TANC1: variants seen among roughly 807,000 people sequenced by gnomAD.
TANC1 encodes the protein tetratricopeptide repeat, ankyrin repeat and coiled-coil containing 1.
A neutral mutation model predicts 149.7 loss-of-function variants in TANC1; 77 were observed. The ratio of observed to expected loss-of-function variants is 0.51; its 90% CI spans 0.43 to 0.62. The LOEUF is 0.62. TANC1 is among the 20% of genes least tolerant of loss of function. The pLI, the probability that TANC1 is intolerant of heterozygous loss-of-function variation, is 0.00. For synonymous variants in TANC1, 854 were observed against 925.0 expected (o/e 0.92, Z 1.39); for missense variants, 1,985 against 2,321.8 (o/e 0.85, Z 2.98).
intron 4 of TANC1, among the ~76,000 whole-genome samples, chr2:159,119,567 T>A (rs967575995): frequency 2.0e-5 from 3 of 152,216 alleles, no homozygotes; most frequent in African/African-American, 7.2e-5. Context: ...CTTTAACCAA[T>A]AAAAATTCGA....
At chr2:159,016,660 T>C (rs994639976) in intron 2 of TANC1, among the ~76,000 whole-genome samples, 7 of 151,866 alleles carry the variant, frequency 4.6e-5, no homozygotes, top group Non-Finnish European at 2.9e-5. Context: ...CTGCATGCTC[T>C]GCCTCCCGGG....
intron 2 of TANC1, among the ~76,000 whole-genome samples, chr2:159,063,215 C>T (rs547623112): frequency 6.6e-6 from 1 of 152,264 alleles, no homozygotes; most frequent in Admixed American, 6.5e-5. Flanking sequence ...TGTGTGACAG[C>T]ACCTAGCTCC....
At chr2:159,047,192 C>CG (rs1378885898) in intron 2 of TANC1, among the ~76,000 whole-genome samples, 1 of 149,956 alleles carries the variant, frequency 6.7e-6, no homozygotes, top group African/African-American at 2.4e-5. Flanking sequence ...CTCATTTCCC[C>CG]CCCCCAGTTA....
At chr2:159,169,847 G>T (rs1372523119) in intron 9 of TANC1, among the ~76,000 whole-genome samples, 1 of 152,114 alleles carries the variant, frequency 6.6e-6, no homozygotes, top group East Asian at 1.9e-4. Flanking sequence ...ATAAAAATTA[G>T]CTGGGCATGG....
intron 18 of TANC1, among the ~76,000 whole-genome samples, chr2:159,197,509 G>C (rs10193598): frequency 0.034 from 5,129 of 152,098 alleles, 115 homozygotes; most frequent in African/African-American, 0.065. Flanking sequence ...AATTCGAGTG[G>C]GAAGCTGGCT....
chr2:159,068,993 G>A (rs1023026968), intron 3 of TANC1, among the ~76,000 whole-genome samples: 3 of 152,140 alleles, frequency 2.0e-5, no homozygotes, highest in Non-Finnish European at 4.4e-5. Context: ...CACTCGCCTC[G>A]GCCTCGCAAA....
At chr2:159,034,069 T>C (rs1239020070) in intron 2 of TANC1, among the ~76,000 whole-genome samples, 1 of 152,236 alleles carries the variant, frequency 6.6e-6, no homozygotes, top group Non-Finnish European at 1.5e-5. Flanking sequence ...ACTTCTCATA[T>C]AGTTAACACT....
intron 16 of TANC1, among the ~76,000 whole-genome samples, chr2:159,191,273 C>T (rs1289774603): frequency 1.3e-5 from 2 of 152,306 alleles, no homozygotes; most frequent in East Asian, 3.9e-4. Context: ...CATGGAGGGG[C>T]TCTGTTTGCC....
rs182398742 is a variant in TANC1 at position 159,047,489 on chromosome 2, G to A, written c.-15-18407G>A. 1.4e-3 allele frequency among the ~76,000 whole-genome samples: 206 copies of A among 152,006 alleles called. 1 individual carries two copies. The highest frequency in any genetic ancestry group is 1.6e-3 in the Non-Finnish European group (110 of 67,984). On this transcript the variant is annotated intron_variant, in intron 2 of 26. Coordinates refer to ENST00000263635, the MANE Select transcript of TANC1 (RefSeq NM_033394.3). ...AAATTCAAGCTGGGAACTACTTAGG[G>A]CAAAGCTGCCTCTGATTCTATTCAA...
In TANC1 at chr2:159,146,536, C is replaced by CTT. The variant is rs35745470; in HGVS notation, c.365-2586_365-2585dup. Among the ~76,000 whole-genome samples, 77 of 78,358 alleles carry CTT rather than the reference C, an allele frequency of 9.8e-4. 1 individual carries two copies. Among genetic ancestry groups the CTT allele is most frequent in the South Asian group, 2.8e-3 (6 of 2,162 alleles). 51.4% of individuals were successfully genotyped at this position (78,358 alleles called of 152,430 possible). A position where few individuals can be genotyped will look rare whatever the true frequency, so the allele number is the denominator to read the frequency against. On this transcript the variant is annotated intron_variant, in intron 5 of 26. Coordinates refer to ENST00000263635, the MANE Select transcript of TANC1 (RefSeq NM_033394.3). ...ATCATGAATTTGGGTGTCCCTTTTC[C>CTT]TTTTTTTTTTTTTTTTTTTTTGGAG... is the stretch of plus-strand genomic sequence containing the variant.
intron 16 of TANC1, among the ~76,000 whole-genome samples, chr2:159,189,280 T>G (rs1350895140): frequency 1.3e-5 from 2 of 152,170 alleles, no homozygotes; most frequent in African/African-American, 4.8e-5. Context: ...CTGCCGACCT[T>G]GAGGATGTGA....
intron 3 of TANC1, among the ~76,000 whole-genome samples, chr2:159,075,719 G>A (rs1190169497): frequency 6.6e-6 from 1 of 151,538 alleles, no homozygotes; most frequent in Non-Finnish European, 1.5e-5. Flanking sequence ...TTGTACCAAT[G>A]TACCATGGTT....
At chr2:159,140,686 ATTTTTTTTT>A (rs375936311) in intron 5 of TANC1, among the ~76,000 whole-genome samples, 1 of 109,802 alleles carries the variant, frequency 9.1e-6, no homozygotes, top group Non-Finnish European at 1.8e-5. Flanking sequence ...GAGATTCTCT[ATTTTTTTTT>A]TTTTTTTTTT....
At chr2:159,154,978 A>C (rs2053264405) in intron 7 of TANC1, among the ~76,000 whole-genome samples, 1 of 152,196 alleles carries the variant, frequency 6.6e-6, no homozygotes, top group South Asian at 2.1e-4. Flanking sequence ...TCCTTTGAAT[A>C]TGTCTTGCTT....
In TANC1 at chr2:159,130,025, C is replaced by G. The variant is rs886302000; in HGVS notation, c.260-6169C>G. Among the ~76,000 whole-genome samples, 5 of 152,188 alleles carry G rather than the reference C, an allele frequency of 3.3e-5. No homozygotes were observed. The East Asian group carries it at 9.7e-4, about 29-fold the overall frequency. Reference sequence around the variant, plus strand: ...GTTACAGCTGGAAAAGCGGCGGCAGCAGGATACCAGTACCGGGGGCGGCGG... The same window carrying G: ...GTTACAGCTGGAAAAGCGGCGGCAGGAGGATACCAGTACCGGGGGCGGCGG... On this transcript the variant is annotated intron_variant, in intron 4 of 26. Transcript: ENST00000263635.
intron 1 of TANC1, among the ~76,000 whole-genome samples, chr2:158,996,457 T>C (rs2036145960): frequency 6.6e-6 from 1 of 152,260 alleles, no homozygotes; most frequent in Admixed American, 6.5e-5. Flanking sequence ...TAACTTGATA[T>C]TTTTGTACAC....
intron 1 of TANC1, among the ~76,000 whole-genome samples, chr2:158,988,774 C>T (rs146673968): frequency 1.9e-3 from 287 of 152,278 alleles, no homozygotes; most frequent in Non-Finnish European, 3.3e-3. Context: ...TTTCTTCCTA[C>T]CTCATGGGGT....
chr2:159,093,483 G>A (rs750809438), intron 3 of TANC1, among the ~76,000 whole-genome samples: 27 of 152,102 alleles, frequency 1.8e-4, no homozygotes, highest in African/African-American at 3.9e-4. Flanking sequence ...TGGCATCATC[G>A]TGATGCTTTC....
chr2:159,202,878 T>C (rs1323227786), intron 19 of TANC1, among the ~76,000 whole-genome samples: 1 of 152,170 alleles, frequency 6.6e-6, no homozygotes, highest in Non-Finnish European at 1.5e-5. Flanking sequence ...ACTGAGTTAC[T>C]ATCTCCATGT....
Sources: gnomAD v4.1 joint callset for allele counts (sites outside exome capture counted in the v4.1 genomes callset) on GRCh38, gnomAD v4.1.1 for gene constraint, MANE v1.5 for transcripts, NCBI Gene and HGNC (gene_info 2026-07-23, HGNC 2026-07-21) for gene names.